Variants in PCDHA5 observed in about 807,000 individuals in gnomAD.
PCDHA5 encodes protocadherin alpha-5.
A neutral mutation model predicts 61.6 loss-of-function variants in PCDHA5; 43 were observed. That is an observed-to-expected ratio of 0.70 (90% confidence interval 0.55 to 0.90). The LOEUF is 0.90. Ranked by LOEUF, PCDHA5 falls within the 40% of genes least tolerant of loss-of-function variation. The pLI, the probability that PCDHA5 is intolerant of heterozygous loss-of-function variation, is 0.00. For synonymous variants in PCDHA5, 627 were observed against 543.9 expected (o/e 1.15, Z -2.13); for missense variants, 1,298 against 1,222.7 (o/e 1.06, Z -0.92).
At chr5:141,009,166 T>C (rs949376056) in intron 3 of PCDHA5, among the ~76,000 whole-genome samples, 98 of 152,230 alleles carry the variant, frequency 6.4e-4, no homozygotes, top group African/African-American at 2.2e-3. Context: ...CTGTAAATAC[T>C]GGCCTTGGCT....
intron 1 of PCDHA5, among the ~76,000 whole-genome samples, chr5:140,933,686 C>T (rs186587135): frequency 6.6e-6 from 1 of 151,890 alleles, no homozygotes; most frequent in Non-Finnish European, 1.5e-5. Flanking sequence ...ATTTTTTTTC[C>T]TATTCCTCGG....
intron 1 of PCDHA5, among the ~76,000 whole-genome samples, chr5:140,946,909 C>G (rs1290458457): frequency 6.6e-6 from 1 of 151,234 alleles, no homozygotes; most frequent in Non-Finnish European, 1.5e-5. Flanking sequence ...AGAATAAGTT[C>G]TGGTGTTTTA....
At chr5:140,841,821 T>A in intron 1 of PCDHA5, 1 of 1,613,940 alleles carries the variant, frequency 6.2e-7, no homozygotes. Flanking sequence ...GCTAACTCCG[T>A]GTTAACCTAC....
intron 1 of PCDHA5, among the ~76,000 whole-genome samples, chr5:140,924,429 A>G (rs1331551212): frequency 6.6e-6 from 1 of 152,184 alleles, no homozygotes; most frequent in Non-Finnish European, 1.5e-5. Flanking sequence ...CTAGTTCCCT[A>G]GAAGAGATAA....
chr5:140,877,632 G>A (rs2057247482), intron 1 of PCDHA5: 2 of 1,613,768 alleles, frequency 1.2e-6, no homozygotes, highest in East Asian at 4.5e-5. Context: ...TGTACACTGC[G>A]CTGCGTTGCT....
At chr5:140,864,105 T>C (rs1413292385) in intron 1 of PCDHA5, 1 of 152,314 alleles carries the variant, frequency 6.6e-6, no homozygotes, top group Non-Finnish European at 1.5e-5. Flanking sequence ...ATAATGATAA[T>C]AGTAATAATG....
At chr5:140,927,051 G>C (rs1554203978) in intron 1 of PCDHA5, 1 of 1,611,998 alleles carries the variant, frequency 6.2e-7, no homozygotes, top group Non-Finnish European at 8.5e-7. Flanking sequence ...TGTCCTCGCG[G>C]AACTTTCGCT....
intron 1 of PCDHA5, among the ~76,000 whole-genome samples, chr5:140,938,299 A>T (rs995168721): frequency 1.3e-5 from 2 of 152,192 alleles, no homozygotes; most frequent in Admixed American, 6.5e-5. Flanking sequence ...TTGCCTATGA[A>T]ATTCAGTATA....
intron 3 of PCDHA5, among the ~76,000 whole-genome samples, chr5:141,003,426 C>T (rs1316658550): frequency 1.3e-5 from 2 of 152,144 alleles, no homozygotes; most frequent in African/African-American, 4.8e-5. Context: ...ATTCTTATGC[C>T]TCAGCCTCCC....
chr5:140,964,968 G>A lies in PCDHA5; in HGVS notation c.2353-13981G>A, dbSNP rs566051914. On this transcript the variant is annotated intron_variant, in intron 1 of 3. Coordinates refer to ENST00000529859, the MANE Select transcript of PCDHA5 (RefSeq NM_018908.3). ...GAGTGTGCTTGGTTGGTGGAACGAA[G>A]GGATGTGCTAGTTCAGGCCTTTGAA... 3.9e-5 allele frequency among the ~76,000 whole-genome samples: 6 copies of A among 152,326 alleles called. No individual in the cohort carries two copies. In the South Asian group the frequency reaches 1.0e-3, roughly 26 times the overall value.
intron 3 of PCDHA5, among the ~76,000 whole-genome samples, chr5:140,996,757 G>A (rs2097743678): frequency 6.6e-6 from 1 of 152,014 alleles, no homozygotes; most frequent in South Asian, 2.1e-4. Context: ...TATCTGTGCA[G>A]GACTAAAATA....
intron 1 of PCDHA5, chr5:140,867,501 C>G (rs2049995274): frequency 6.6e-6 from 1 of 151,954 alleles, no homozygotes. Context: ...AAAAGTAGAA[C>G]AAAATCTCAA....
chr5:140,910,577 C>T (rs1425639563), intron 1 of PCDHA5, among the ~76,000 whole-genome samples: 1 of 152,186 alleles, frequency 6.6e-6, no homozygotes, highest in Non-Finnish European at 1.5e-5. Flanking sequence ...TTTCTGGATC[C>T]TCCCAGCTGG....
chr5:140,834,707 G>T, intron 1 of PCDHA5: 1 of 1,614,262 alleles, frequency 6.2e-7, no homozygotes, highest in Non-Finnish European at 8.5e-7. Flanking sequence ...ACCTGGAGGT[G>T]ATCGTGGAAA....
intron 3 of PCDHA5, among the ~76,000 whole-genome samples, chr5:141,006,150 G>A (rs1035867146): frequency 1.1e-4 from 16 of 151,274 alleles, no homozygotes; most frequent in Admixed American, 6.6e-5. Flanking sequence ...AAGCAGAGGA[G>A]TGATATAATC....
chr5:140,990,195 A>C (rs1030331876), intron 3 of PCDHA5, among the ~76,000 whole-genome samples: 1 of 152,012 alleles, frequency 6.6e-6, no homozygotes, highest in Non-Finnish European at 1.5e-5. Flanking sequence ...CCAAATGTGG[A>C]CCCGAAAGAG....
At chr5:140,836,455 C>A in intron 1 of PCDHA5, 1 of 1,613,840 alleles carries the variant, frequency 6.2e-7, no homozygotes, top group Non-Finnish European at 8.5e-7. Context: ...GGCCCAGAGA[C>A]CGAGCTGGTG....
Position 140,842,781 on chromosome 5 carries a change from A to G in PCDHA5, c.2352+18654A>G. ...GCGCGAGACGCGGACGCGCAGGAGA[A>G]CGCGCTGGTGTCCTACTCGCTTGTG... is the stretch of plus-strand genomic sequence containing the variant. On this transcript the variant is annotated intron_variant, in intron 1 of 3. Transcript: ENST00000529859. The G allele has an allele frequency of 1.3e-6, 2 of 1,594,512 alleles. 1 individual carries two copies. Among genetic ancestry groups the G allele is most frequent in the Non-Finnish European group, 1.7e-6 (2 of 1,165,394 alleles).
intron 1 of PCDHA5, chr5:140,848,264 T>G (rs1156785908): frequency 4.1e-6 from 2 of 490,594 alleles, no homozygotes; most frequent in Non-Finnish European, 7.2e-6. Context: ...GAAATTTTTA[T>G]TCATGAAATA....
Sources: gnomAD v4.1 joint callset for allele counts (sites outside exome capture counted in the v4.1 genomes callset) on GRCh38, gnomAD v4.1.1 for gene constraint, MANE v1.5 for transcripts, NCBI Gene and HGNC (gene_info 2026-07-23, HGNC 2026-07-21) for gene names.